The following SLC44A5 variants were observed in gnomAD, a reference collection of about 807,000 sequenced individuals.
SLC44A5 encodes solute carrier family 44 member 5, also known as choline transporter-like protein 5.
SLC44A5 carries 57 observed loss-of-function variants against 101.8 expected under a neutral mutation model. The observed-to-expected ratio is 0.56, with a 90% CI of 0.45 to 0.70. The LOEUF (loss-of-function observed/expected upper bound fraction) is 0.70, where lower values mean the gene tolerates loss of function less well. Ranked by LOEUF, SLC44A5 falls within the 30% of genes least tolerant of loss-of-function variation. The probability of loss-of-function intolerance (pLI) is 0.00; values close to 1 mark genes in which losing one functional copy is unlikely to be tolerated. For missense variants in SLC44A5, 737 were observed against 853.1 expected (o/e 0.86, Z 1.70); for synonymous variants, 281 against 290.9 (o/e 0.97, Z 0.35).
the SLC44A5 span, among the ~76,000 whole-genome samples, chr1:75,655,125 T>G: frequency 6.6e-6 from 1 of 152,154 alleles, no homozygotes; most frequent in African/African-American, 2.4e-5. Context: ...TGTTATCTTA[T>G]AGAGCATCAA....
chr1:75,606,900 T>C (rs1300371652), intron 1 of SLC44A5, among the ~76,000 whole-genome samples: 1 of 151,984 alleles, frequency 6.6e-6, no homozygotes, highest in Non-Finnish European at 1.5e-5. Flanking sequence ...TACTGACTCC[T>C]CCCCTTCTCA....
intron 2 of SLC44A5, among the ~76,000 whole-genome samples, chr1:75,414,947 G>GA (rs914235728): frequency 1.3e-5 from 2 of 152,092 alleles, no homozygotes; most frequent in Non-Finnish European, 2.9e-5. Context: ...TTCTAAGCAT[G>GA]AAAAAAATTG....
intron 2 of SLC44A5, among the ~76,000 whole-genome samples, chr1:75,429,822 G>C (rs1219969400): frequency 2.6e-5 from 4 of 152,154 alleles, no homozygotes; most frequent in African/African-American, 4.8e-5. Flanking sequence ...ATTCATGAGG[G>C]AGCTCCAAAT....
chr1:75,579,560 C>G (rs1020419754), intron 1 of SLC44A5, among the ~76,000 whole-genome samples: 1 of 152,152 alleles, frequency 6.6e-6, no homozygotes, highest in Non-Finnish European at 1.5e-5. Flanking sequence ...TAATATATTC[C>G]TTTTCAGTAT....
chr1:75,687,636 T>C, the SLC44A5 span, among the ~76,000 whole-genome samples: 1 of 152,160 alleles, frequency 6.6e-6, no homozygotes, highest in Non-Finnish European at 1.5e-5. Flanking sequence ...ATTTCACCAC[T>C]TAGATAAAGA....
chr1:75,650,832 A>C, the SLC44A5 span, among the ~76,000 whole-genome samples: 3 of 152,224 alleles, frequency 2.0e-5, no homozygotes, highest in African/African-American at 7.2e-5. Context: ...GGGCTCAAGC[A>C]GTCCTCTCAC....
chr1:75,312,480 C>T (rs920116911), intron 4 of SLC44A5, among the ~76,000 whole-genome samples: 10 of 151,836 alleles, frequency 6.6e-5, no homozygotes, highest in Middle Eastern at 3.4e-3. Context: ...TGAATGGAGT[C>T]TCAGGAGTGA....
chr1:75,302,502 G>T (rs1654569540), intron 4 of SLC44A5, among the ~76,000 whole-genome samples: 1 of 152,042 alleles, frequency 6.6e-6, no homozygotes, highest in South Asian at 2.1e-4. Context: ...AACACATACA[G>T]TAGTCTCCCC....
the SLC44A5 span, among the ~76,000 whole-genome samples, chr1:75,632,484 CCA>C: frequency 6.6e-6 from 1 of 151,976 alleles, no homozygotes; most frequent in Admixed American, 6.6e-5. Flanking sequence ...ATGATCAGTT[CCA>C]CACAGTTTAC....
At chr1:75,418,535 G>C (rs1181903663) in intron 2 of SLC44A5, among the ~76,000 whole-genome samples, 1 of 152,148 alleles carries the variant, frequency 6.6e-6, no homozygotes, top group African/African-American at 2.4e-5. Context: ...AGGTCCCTAA[G>C]AGAAAATGGG....
intron 2 of SLC44A5, among the ~76,000 whole-genome samples, chr1:75,481,545 A>T (rs1227875106): frequency 1.3e-5 from 2 of 152,136 alleles, no homozygotes; most frequent in Admixed American, 6.5e-5. Context: ...AATGAGCTCA[A>T]ACAAATTTAC....
intron 1 of SLC44A5, among the ~76,000 whole-genome samples, chr1:75,571,622 A>G (rs944521475): frequency 2.6e-5 from 4 of 152,186 alleles, no homozygotes; most frequent in African/African-American, 9.7e-5. Context: ...GTGTTGCCCA[A>G]CTGTAGGCTA....
upstream of SLC44A5, among the ~76,000 whole-genome samples, chr1:75,615,588 G>T (rs954485878): frequency 1.3e-5 from 2 of 152,116 alleles, no homozygotes; most frequent in African/African-American, 4.8e-5. Context: ...ACCCAAGCTC[G>T]CCGAGTAGCA....
chr1:75,704,217 G>A, the SLC44A5 span, among the ~76,000 whole-genome samples: 1 of 152,074 alleles, frequency 6.6e-6, no homozygotes, highest in Non-Finnish European at 1.5e-5. Context: ...TAGGTATAAG[G>A]TATAAAAATC....
At chr1:75,704,434 T>C in the SLC44A5 span, among the ~76,000 whole-genome samples, 9 of 152,148 alleles carry the variant, frequency 5.9e-5, no homozygotes, top group African/African-American at 2.4e-5. Context: ...GTACAGCCTA[T>C]GCAAAATACC....
chr1:75,715,122 A>G, the SLC44A5 span, among the ~76,000 whole-genome samples: 2 of 152,208 alleles, frequency 1.3e-5, no homozygotes, highest in Admixed American at 1.3e-4. Context: ...GAATTACAAA[A>G]CACTGCTCAA....
intron 2 of SLC44A5, among the ~76,000 whole-genome samples, chr1:75,473,455 G>T (rs1667217449): frequency 6.6e-6 from 1 of 152,160 alleles, no homozygotes; most frequent in African/African-American, 2.4e-5. Flanking sequence ...CATGGATTTA[G>T]CCCAACTGTG....
chr1:75,680,230 A>T, the SLC44A5 span, among the ~76,000 whole-genome samples: 10 of 151,824 alleles, frequency 6.6e-5, no homozygotes, highest in African/African-American at 2.2e-4. Flanking sequence ...AAGGATACCC[A>T]GGAATTGAAC....
At chr1:75,246,753 A>T (rs940072154) in intron 7 of SLC44A5, among the ~76,000 whole-genome samples, 8 of 152,070 alleles carry the variant, frequency 5.3e-5, no homozygotes, top group Non-Finnish European at 1.0e-4. Flanking sequence ...CTTGGACAGG[A>T]TGAGCAATCA....
Sources: gnomAD v4.1 joint callset for allele counts (sites outside exome capture counted in the v4.1 genomes callset) on GRCh38, gnomAD v4.1.1 for gene constraint, MANE v1.5 for transcripts, NCBI Gene and HGNC (gene_info 2026-07-23, HGNC 2026-07-21) for gene names.